The following CDK14 variants were observed in gnomAD, a reference collection of about 807,000 sequenced individuals.
CDK14 encodes the protein cyclin dependent kinase 14.
A neutral mutation model predicts 60.7 loss-of-function variants in CDK14; 34 were observed. That is an observed-to-expected ratio of 0.56 (90% CI 0.43 to 0.75). CDK14 has a LOEUF of 0.75. Ranked by LOEUF, CDK14 falls within the 30% of genes least tolerant of loss-of-function variation. The pLI is 0.00. For synonymous variants in CDK14, 197 were observed against 203.7 expected, an observed-to-expected ratio of 0.97 and a Z score of 0.28; for missense variants, 482 against 564.1, an observed-to-expected ratio of 0.85 and a Z score of 1.47.
chr7:90,648,471 T>A (rs946615332), intron 2 of CDK14, among the ~76,000 whole-genome samples: 1 of 152,112 alleles, frequency 6.6e-6, no homozygotes, highest in African/African-American at 2.4e-5. Context: ...AGGTCAGTCC[T>A]ATTGGTATGG....
At chr7:90,776,029 A>G (rs190108621) in intron 4 of CDK14, among the ~76,000 whole-genome samples, 27 of 152,218 alleles carry the variant, frequency 1.8e-4, no homozygotes, top group African/African-American at 6.5e-4. Flanking sequence ...ATAAGGATCT[A>G]CATTTACTTA....
chr7:90,606,933 C>G (rs1799430160), intron 2 of CDK14, among the ~76,000 whole-genome samples: 1 of 152,160 alleles, frequency 6.6e-6, no homozygotes, highest in Non-Finnish European at 1.5e-5. Flanking sequence ...CAAGTTGCCT[C>G]TTAGCTCTAA....
At chr7:90,640,067 C>T (rs2116437454) in intron 2 of CDK14, among the ~76,000 whole-genome samples, 1 of 152,296 alleles carries the variant, frequency 6.6e-6, no homozygotes, top group South Asian at 2.1e-4. Context: ...ACCCCTTGTG[C>T]TTCCCGAGTG....
At chr7:90,829,963 C>G (rs1789861794) in intron 5 of CDK14, among the ~76,000 whole-genome samples, 1 of 152,200 alleles carries the variant, frequency 6.6e-6, no homozygotes, top group Non-Finnish European at 1.5e-5. Flanking sequence ...GGTAGAGCCC[C>G]CATTGCTGCC....
intron 12 of CDK14, among the ~76,000 whole-genome samples, chr7:91,096,704 C>T (rs1393841193): frequency 2.6e-5 from 4 of 152,118 alleles, no homozygotes; most frequent in African/African-American, 4.8e-5. Context: ...GTGCTGGGTG[C>T]AGCAGACTTT....
intron 5 of CDK14, among the ~76,000 whole-genome samples, chr7:90,848,767 T>C (rs1483157997): frequency 6.6e-6 from 1 of 152,150 alleles, no homozygotes; most frequent in Non-Finnish European, 1.5e-5. Flanking sequence ...TGAATCTGTA[T>C]TCAAAGTGAT....
At chr7:90,910,523 G>T (rs977064731) in intron 7 of CDK14, among the ~76,000 whole-genome samples, 1 of 152,070 alleles carries the variant, frequency 6.6e-6, no homozygotes, top group South Asian at 2.1e-4. Flanking sequence ...AAATGATACG[G>T]CGTTAAATAT....
intron 10 of CDK14, among the ~76,000 whole-genome samples, chr7:91,006,696 T>C (rs1195300973): frequency 6.6e-6 from 1 of 152,248 alleles, no homozygotes; most frequent in East Asian, 1.9e-4. Context: ...TTATTAAAAC[T>C]TTCACTTATA....
At chr7:90,753,972 A>G (rs1388350469) in intron 4 of CDK14, among the ~76,000 whole-genome samples, 1 of 152,224 alleles carries the variant, frequency 6.6e-6, no homozygotes, top group Non-Finnish European at 1.5e-5. Context: ...GCTGAAAGAA[A>G]TCATAGATGA....
intron 10 of CDK14, among the ~76,000 whole-genome samples, chr7:91,034,788 C>G (rs1796865607): frequency 6.6e-6 from 1 of 152,182 alleles, no homozygotes; most frequent in Non-Finnish European, 1.5e-5. Flanking sequence ...AATCCCACAT[C>G]AAGCCTGTAT....
chr7:90,828,944 G>A (rs1789815373), intron 5 of CDK14, among the ~76,000 whole-genome samples: 1 of 152,128 alleles, frequency 6.6e-6, no homozygotes, highest in Non-Finnish European at 1.5e-5. Context: ...AACAAAGGAA[G>A]TTTGATCGAC....
At chr7:91,147,182 A>G (rs1317216797) in intron 14 of CDK14, among the ~76,000 whole-genome samples, 1 of 139,808 alleles carries the variant, frequency 7.2e-6, no homozygotes, top group East Asian at 2.0e-4. Context: ...ACACACACAC[A>G]CACACACACA....
intron 2 of CDK14, among the ~76,000 whole-genome samples, chr7:90,663,460 C>A (rs1374973644): frequency 6.6e-6 from 1 of 152,176 alleles, no homozygotes; most frequent in African/African-American, 2.4e-5. Flanking sequence ...TTCTCCAGTT[C>A]TTCCCCTCCT....
intron 2 of CDK14, among the ~76,000 whole-genome samples, chr7:90,639,568 G>GGGGGTCA (rs1255749777): frequency 1.3e-5 from 2 of 151,832 alleles, no homozygotes; most frequent in Non-Finnish European, 1.5e-5. Context: ...TAGGCTGCTC[G>GGGGGTCA]GGGGTCAGGG....
chr7:91,083,676 C>T lies in CDK14; in HGVS notation c.1154+4196C>T, dbSNP rs1255277910. Among the ~76,000 whole-genome samples, 15 of 152,240 alleles carry T rather than the reference C, an allele frequency of 9.9e-5. No homozygotes were observed. In the East Asian group the frequency reaches 2.3e-3, roughly 23 times the overall value. ...CCTTGCCATCTAATAGAAAGCAGCT[C>T]TTCTAGGAAATTGCAGATAGGATTC... On this transcript the variant is annotated intron_variant, in intron 12 of 14. Transcript: ENST00000380050.
chr7:91,054,188 ATTATTT>A (rs933921606), intron 11 of CDK14, among the ~76,000 whole-genome samples: 2 of 146,876 alleles, frequency 1.4e-5, no homozygotes, highest in African/African-American at 5.2e-5. Flanking sequence ...GGAATTTTAA[ATTATTT>A]TTATGATTGA....
At chr7:90,675,817 ATTGAT>A (rs2116545801) in intron 2 of CDK14, among the ~76,000 whole-genome samples, 1 of 152,328 alleles carries the variant, frequency 6.6e-6, no homozygotes, top group South Asian at 2.1e-4. Flanking sequence ...GCTTCTGCTT[ATTGAT>A]TTGTTTATAT....
chr7:90,811,781 A>C (rs1175198230), intron 5 of CDK14, among the ~76,000 whole-genome samples: 1 of 152,182 alleles, frequency 6.6e-6, no homozygotes, highest in African/African-American at 2.4e-5. Context: ...GAAAAAACAA[A>C]CAACCCCATC....
At chr7:90,759,514 T>C (rs1804229533) in intron 4 of CDK14, among the ~76,000 whole-genome samples, 1 of 152,226 alleles carries the variant, frequency 6.6e-6, no homozygotes, top group South Asian at 2.1e-4. Context: ...CATGAATACC[T>C]GGTTGTTGAA....
Sources: gnomAD v4.1 joint callset for allele counts (sites outside exome capture counted in the v4.1 genomes callset) on GRCh38, gnomAD v4.1.1 for gene constraint, MANE v1.5 for transcripts, NCBI Gene and HGNC (gene_info 2026-07-23, HGNC 2026-07-21) for gene names.